Variants in CYFIP2 observed in about 807,000 individuals in gnomAD.
The protein encoded by CYFIP2 is cytoplasmic FMR1 interacting protein 2, also known as cytoplasmic FMR1-interacting protein 2.
In CYFIP2, 29 loss-of-function variants were observed where a neutral mutation model predicts 158.7. That is an observed-to-expected ratio of 0.18 (90% CI 0.14 to 0.25). CYFIP2 has a LOEUF of 0.25. CYFIP2 is among the 10% of genes least tolerant of loss of function. The pLI is 1.00. For missense variants in CYFIP2, 852 were observed against 1,639.5 expected, an observed-to-expected ratio of 0.52 and a Z score of 8.29; for synonymous variants, 585 against 617.6, an observed-to-expected ratio of 0.95 and a Z score of 0.78.
intron 21 of CYFIP2, among the ~76,000 whole-genome samples, chr5:157,335,708 A>C (rs1761803485): frequency 6.6e-6 from 1 of 152,204 alleles, no homozygotes; most frequent in Admixed American, 6.5e-5. Context: ...GTAGTACAGC[A>C]CACATTTTTC....
intron 23 of CYFIP2, among the ~76,000 whole-genome samples, chr5:157,348,198 G>A (rs1385719677): frequency 2.0e-5 from 3 of 152,252 alleles, no homozygotes; most frequent in African/African-American, 4.8e-5. Context: ...GAAGGTGGCA[G>A]TGAAGGGATA....
chr5:157,311,290 G>C lies in CYFIP2; in HGVS notation c.993-374G>C. ...CGCAGAGTGTCTGTGCTGTCAGAGT[G>C]GGTAGGCTGGTTTTGGAGGTTGCCC... On this transcript the variant is annotated intron_variant, in intron 10 of 30. Transcript: ENST00000620254. This position sits in a 1 kb window ranked among gnomAD's most constrained non-coding sequence, Gnocchi z 4.7. 1 of 369,104 alleles carries C rather than the reference G, an allele frequency of 2.7e-6. No homozygotes were observed. Among genetic ancestry groups the C allele is most frequent in the African/African-American group, 2.1e-5 (1 of 47,386 alleles). The allele number at this position is 369,104 out of a possible 1,614,324, so 22.9% of individuals were successfully genotyped here.
chr5:157,268,730 C>T (rs190878758), intron 1 of CYFIP2, among the ~76,000 whole-genome samples: 13 of 152,338 alleles, frequency 8.5e-5, no homozygotes, highest in Admixed American at 5.2e-4. Flanking sequence ...TAATTATTCA[C>T]TTGTAATTGA....
chr5:157,305,745 G>A (rs1759162627), intron 8 of CYFIP2, among the ~76,000 whole-genome samples: 1 of 152,148 alleles, frequency 6.6e-6, no homozygotes, highest in Non-Finnish European at 1.5e-5. Flanking sequence ...GAACTCCTGG[G>A]CTCAAGCAAT....
intron 19 of CYFIP2, 121 bp from the exon 20 acceptor site, chr5:157,330,621 C>G (rs1211572847): frequency 1.4e-6 from 1 of 690,742 alleles, no homozygotes; most frequent in East Asian, 2.9e-5. Flanking sequence ...AACAATTTTA[C>G]TTAAGTTATA....
At chr5:157,325,757 TC>T in intron 17 of CYFIP2, 119 bp downstream of exon 17, 1 of 1,086,138 alleles carries the variant, frequency 9.2e-7, no homozygotes. Context: ...AGGCCATATG[TC>T]CCACCACAGG....
intron 11 of CYFIP2, among the ~76,000 whole-genome samples, chr5:157,314,027 C>A (rs181179711): frequency 6.6e-6 from 1 of 152,222 alleles, no homozygotes; most frequent in African/African-American, 2.4e-5. Context: ...CCCAGGAGAC[C>A]AGCCTGGACA....
chr5:157,382,505 T>A, intron 26 of CYFIP2, 85 bp from the exon 27 acceptor site: 1 of 1,432,134 alleles, frequency 7.0e-7, no homozygotes, highest in East Asian at 2.4e-5. Flanking sequence ...TCTAGCTAAC[T>A]CCAGTGCTCA....
intron 24 of CYFIP2, among the ~76,000 whole-genome samples, chr5:157,359,787 G>A (rs1763677714): frequency 6.6e-6 from 1 of 152,230 alleles, no homozygotes; most frequent in Non-Finnish European, 1.5e-5. Context: ...GTCAGGAATA[G>A]CAAATAGGAT....
intron 4 of CYFIP2, 84 bp downstream of exon 4, chr5:157,294,944 C>A: frequency 8.8e-7 from 1 of 1,133,108 alleles, no homozygotes; most frequent in Admixed American, 2.3e-5. Flanking sequence ...GAGAGCTGAG[C>A]TTTTCTTTCC....
chr5:157,328,969 C>T (rs1231797018), intron 19 of CYFIP2, among the ~76,000 whole-genome samples: 1 of 152,128 alleles, frequency 6.6e-6, no homozygotes, highest in Non-Finnish European at 1.5e-5. Context: ...ATAGGTATTT[C>T]CTTTCTTATT....
At chr5:157,359,626 G>GAGTT (rs1347811213) in intron 24 of CYFIP2, among the ~76,000 whole-genome samples, 3 of 152,218 alleles carry the variant, frequency 2.0e-5, no homozygotes, top group African/African-American at 7.2e-5. Context: ...GGCTTCAAGA[G>GAGTT]AGTTCTGTAT....
At chr5:157,385,724 G>A (rs1297266907) in intron 28 of CYFIP2, among the ~76,000 whole-genome samples, 2 of 151,942 alleles carry the variant, frequency 1.3e-5, no homozygotes, top group Admixed American at 6.5e-5. Flanking sequence ...TTGTTATCAC[G>A]AGCAAATAAT....
chr5:157,297,958 TCC>T (rs1221778010), intron 5 of CYFIP2, among the ~76,000 whole-genome samples: 2 of 152,212 alleles, frequency 1.3e-5, no homozygotes, highest in Non-Finnish European at 2.9e-5. Context: ...CATTTTCATC[TCC>T]CAGAGTTTAG....
In CYFIP2 at chr5:157,346,267, A is replaced by G. The variant is rs143978196; in HGVS notation, c.2673+5110A>G. On this transcript the variant is annotated intron_variant, in intron 23 of 30. Coordinates refer to ENST00000620254, the MANE Select transcript of CYFIP2 (RefSeq NM_001037333.3). The stretch of plus-strand genomic sequence containing the variant: ...CCCTGAACCCCTGTCAAGCTTGCTA[A>G]ACCATCATGGCACTCTCACTGGGTT... 2.7e-3 allele frequency among the ~76,000 whole-genome samples: 412 copies of G among 152,290 alleles called. 2 individuals are homozygous for G. The highest frequency in any genetic ancestry group is 9.7e-3 in the African/African-American group (401 of 41,552).
intron 23 of CYFIP2, among the ~76,000 whole-genome samples, chr5:157,358,488 C>T (rs1240010525): frequency 6.6e-6 from 1 of 152,210 alleles, no homozygotes; most frequent in Non-Finnish European, 1.5e-5. Context: ...TTGTCCCATG[C>T]ACTCAGCAGA....
At chr5:157,386,718 A>C (rs1393933711) in intron 28 of CYFIP2, among the ~76,000 whole-genome samples, 2 of 152,138 alleles carry the variant, frequency 1.3e-5, no homozygotes, top group Non-Finnish European at 2.9e-5. Context: ...TCAGGAGTTC[A>C]AGACCAGCCT....
At chr5:157,325,371 C>T (rs1760942849) in intron 16 of CYFIP2, 111 bp from the exon 17 acceptor site, 1 of 1,223,326 alleles carries the variant, frequency 8.2e-7, no homozygotes, top group South Asian at 2.2e-5. Context: ...ATATTAGTAC[C>T]TGCTACATAC....
rs191354933 is a variant in CYFIP2, at chr5:157,322,148, C to T, written c.1671+1346C>T. ...GTGGCACAGACATGTTGAATAGACT[C>T]GTAGACAACCAGAGCTGGGAGCGCT... On this transcript the variant is annotated intron_variant, in intron 15 of 30. Transcript: ENST00000620254. 8.6e-4 allele frequency among the ~76,000 whole-genome samples: 131 copies of T among 152,266 alleles called. 1 individual carries two copies. Among genetic ancestry groups the T allele is most frequent in the African/African-American group, 2.7e-3 (113 of 41,554 alleles).
Sources: gnomAD v4.1 joint callset for allele counts (sites outside exome capture counted in the v4.1 genomes callset) on GRCh38, gnomAD v4.1.1 for gene constraint, Gnocchi (gnomAD v3.1) non-coding constraint, MANE v1.5 for transcripts, NCBI Gene and HGNC (gene_info 2026-07-23, HGNC 2026-07-21) for gene names.